Variants in DACH1 observed in about 807,000 individuals in gnomAD.
The protein encoded by DACH1 is dachshund homolog 1.
A neutral mutation model predicts 54.2 loss-of-function variants in DACH1; 12 were observed. The ratio of observed to expected loss-of-function variants is 0.22; its 90% CI spans 0.14 to 0.36. DACH1 has a LOEUF of 0.36. DACH1 is among the 10% of genes least tolerant of loss of function. DACH1 has a pLI of 1.00. For missense variants in DACH1, 805 were observed against 929.8 expected, an observed-to-expected ratio of 0.87 and a Z score of 1.75; for synonymous variants, 386 against 366.2, an observed-to-expected ratio of 1.05 and a Z score of -0.62.
Position 71,866,406 on chromosome 13 carries a change from T to TGGCGCC in DACH1, c.363_364insGGCGCC (p.Gly121_Ile122insGlyAla). ...GAAGCGACGCCGCCGCCAGCGCTGA[T>TGGCGCC]GCCGCCGCCGCCGCCGCCGCTGCCG... On this transcript the variant is annotated inframe_insertion, in exon 1 of 11. Coordinates refer to ENST00000613252, the MANE Select transcript of DACH1 (RefSeq NM_080759.6). 1 of 1,421,390 alleles carries TGGCGCC rather than the reference T, an allele frequency of 7.0e-7. No homozygotes were observed. The highest frequency in any genetic ancestry group is 9.3e-7 in the Non-Finnish European group (1 of 1,074,592). 88.0% of individuals were successfully genotyped at this position (1,421,390 alleles called of 1,614,324 possible).
At chr13:71,773,660 T>C (rs190507595) in intron 1 of DACH1, among the ~76,000 whole-genome samples, 1 of 152,126 alleles carries the variant, frequency 6.6e-6, no homozygotes, top group Non-Finnish European at 1.5e-5. Flanking sequence ...GTTTCGACAA[T>C]AAAATCCCTT....
At chr13:71,594,036 T>C (rs540658742) in intron 3 of DACH1, among the ~76,000 whole-genome samples, 26 of 151,322 alleles carry the variant, frequency 1.7e-4, no homozygotes, top group South Asian at 4.2e-4. Context: ...TAACATAATA[T>C]AGAAAAACAT....
chr13:71,802,513 T>A (rs1046118697), intron 1 of DACH1, among the ~76,000 whole-genome samples: 16 of 151,998 alleles, frequency 1.1e-4, no homozygotes, highest in African/African-American at 3.9e-4. Context: ...AGATGAAAGC[T>A]AACAGAAACA....
At chr13:71,461,936 A>C (rs960952759) in intron 10 of DACH1, among the ~76,000 whole-genome samples, 1 of 151,996 alleles carries the variant, frequency 6.6e-6, no homozygotes, top group African/African-American at 2.4e-5. Context: ...CTTATGAACT[A>C]AATGTAAATG....
At chr13:71,616,519 G>A (rs1044973823) in intron 3 of DACH1, among the ~76,000 whole-genome samples, 1 of 152,102 alleles carries the variant, frequency 6.6e-6, no homozygotes, top group Admixed American at 6.5e-5. Flanking sequence ...GTCCAAGAGG[G>A]GAGGATCGTT....
At chr13:71,854,624 T>G (rs1395891973) in intron 1 of DACH1, among the ~76,000 whole-genome samples, 1 of 149,036 alleles carries the variant, frequency 6.7e-6, no homozygotes, top group Non-Finnish European at 1.5e-5. Context: ...CTTCATATCA[T>G]CACCATTACA....
At chr13:71,688,620 C>T (rs990488606) in intron 1 of DACH1, among the ~76,000 whole-genome samples, 12 of 152,146 alleles carry the variant, frequency 7.9e-5, no homozygotes, top group Non-Finnish European at 1.6e-4. Context: ...ATGCATCAAA[C>T]AGATTACTTT....
Position 71,519,108 on chromosome 13 carries a change from C to T in DACH1, c.1571-29960G>A, listed in dbSNP as rs114034461. ...ATCCCAAAATATTTACTATCTCTCC[C>T]TTTATAGAAAAAAATTGCTGGATTC... On this transcript the variant is annotated intron_variant, in intron 6 of 10. Coordinates refer to ENST00000613252, the MANE Select transcript of DACH1 (RefSeq NM_080759.6). 2.3e-3 allele frequency among the ~76,000 whole-genome samples: 342 copies of T among 151,856 alleles called. 3 individuals are homozygous for T. Among genetic ancestry groups the T allele is most frequent in the African/African-American group, 8.0e-3 (331 of 41,500 alleles).
At chr13:71,642,312 CT>C (rs1188223598) in intron 2 of DACH1, among the ~76,000 whole-genome samples, 5 of 152,220 alleles carry the variant, frequency 3.3e-5, no homozygotes, top group Admixed American at 1.3e-4. Context: ...CATTCAACTT[CT>C]GCATGTCAAT....
At chr13:71,486,801 T>TTA (rs1566289816) in intron 7 of DACH1, among the ~76,000 whole-genome samples, 23 of 149,486 alleles carry the variant, frequency 1.5e-4, no homozygotes, top group African/African-American at 4.1e-4. Context: ...TTAATTAATT[T>TTA]ATTTATTTAT....
At chr13:71,738,718 C>G (rs1446066482) in intron 1 of DACH1, among the ~76,000 whole-genome samples, 3 of 94,346 alleles carry the variant, frequency 3.2e-5, no homozygotes, top group Non-Finnish European at 5.8e-5. Flanking sequence ...GGCAACAGAG[C>G]GAGACTCTGT....
intron 1 of DACH1, among the ~76,000 whole-genome samples, chr13:71,779,146 T>TAC (rs1228747745): frequency 2.9e-5 from 4 of 136,402 alleles, no homozygotes; most frequent in East Asian, 2.0e-4. Context: ...TACACATATA[T>TAC]ACACATATAT....
chr13:71,634,452 C>A (rs1417464395), intron 2 of DACH1, among the ~76,000 whole-genome samples: 6 of 152,146 alleles, frequency 3.9e-5, no homozygotes, highest in Admixed American at 3.9e-4. Context: ...TTTTCACTAG[C>A]AAACGACTTC....
At chr13:71,843,630 T>C (rs1873030594) in intron 1 of DACH1, among the ~76,000 whole-genome samples, 1 of 152,216 alleles carries the variant, frequency 6.6e-6, no homozygotes. Flanking sequence ...AAAATGATAG[T>C]ACTCTATGTT....
At chr13:71,864,132 C>T (rs886513021) in intron 1 of DACH1, among the ~76,000 whole-genome samples, 2 of 150,656 alleles carry the variant, frequency 1.3e-5, no homozygotes, top group Non-Finnish European at 1.5e-5. Flanking sequence ...CCCACCACCC[C>T]CCATCTTTAC....
chr13:71,552,846 G>T (rs369712207), intron 6 of DACH1, among the ~76,000 whole-genome samples: 24 of 60,332 alleles, frequency 4.0e-4, no homozygotes, highest in African/African-American at 6.9e-4. Context: ...TATATATAGA[G>T]AGAGAGAGAG....
chr13:71,819,712 T>G (rs1391679208), intron 1 of DACH1, among the ~76,000 whole-genome samples: 2 of 152,168 alleles, frequency 1.3e-5, no homozygotes, highest in African/African-American at 4.8e-5. Flanking sequence ...TCAAGGAACA[T>G]TAATTTCTAA....
chr13:71,596,818 T>G (rs1328520306), intron 3 of DACH1, among the ~76,000 whole-genome samples: 2 of 152,120 alleles, frequency 1.3e-5, no homozygotes, highest in African/African-American at 4.8e-5. Flanking sequence ...CAATTTGAAT[T>G]TATAGAAGCA....
intron 10 of DACH1, among the ~76,000 whole-genome samples, chr13:71,459,712 C>A (rs1434128317): frequency 6.6e-6 from 1 of 151,636 alleles, no homozygotes; most frequent in African/African-American, 2.4e-5. Flanking sequence ...TCATTTTATT[C>A]AGAAATCATA....
Sources: gnomAD v4.1 joint callset for allele counts (sites outside exome capture counted in the v4.1 genomes callset) on GRCh38, gnomAD v4.1.1 for gene constraint, MANE v1.5 for transcripts, NCBI Gene and HGNC (gene_info 2026-07-23, HGNC 2026-07-21) for gene names.